Variants in CHST8 observed in about 807,000 individuals in gnomAD.
CHST8 encodes carbohydrate sulfotransferase 8, also known as GALNAC-4-ST1.
A neutral mutation model predicts 15.0 loss-of-function variants in CHST8; 10 were observed. The observed-to-expected ratio is 0.67, with a 90% CI of 0.41 to 1.13. CHST8 has a LOEUF of 1.13. Among genes scored for constraint, CHST8 ranks in the 50% most tolerant of loss-of-function variants. CHST8 has a pLI of 0.00. For synonymous variants in CHST8, 259 were observed against 256.6 expected, an observed-to-expected ratio of 1.01 and a Z score of -0.09; for missense variants, 634 against 608.2, an observed-to-expected ratio of 1.04 and a Z score of -0.45.
intron 3 of CHST8, among the ~76,000 whole-genome samples, chr19:33,734,345 G>A (rs1974044445): frequency 1.3e-5 from 2 of 152,262 alleles, no homozygotes; most frequent in Admixed American, 6.5e-5. Flanking sequence ...ATAAAAATGG[G>A]CAATGAAGAA....
At position 33,656,105 on chromosome 19, in the gene CHST8, C is replaced by T. The variant is rs567084373; in HGVS notation, c.-163-11662C>T. On this transcript the variant is annotated intron_variant, in intron 1 of 4. Transcript: ENST00000650847. Reference sequence around the variant, plus strand: ...TAATTTTTTGTAGTCTAAAATTGCTCATTTTATTTCCTCCTTGATGCAAGA... The same window carrying T: ...TAATTTTTTGTAGTCTAAAATTGCTTATTTTATTTCCTCCTTGATGCAAGA... Among the ~76,000 whole-genome samples, 3 of 152,212 alleles carry T rather than the reference C, an allele frequency of 2.0e-5. No individual in the cohort carries two copies. In the South Asian group the frequency reaches 6.2e-4, roughly 32 times the overall value.
intron 3 of CHST8, among the ~76,000 whole-genome samples, chr19:33,740,548 G>A (rs1974165824): frequency 6.6e-6 from 1 of 152,208 alleles, no homozygotes; most frequent in Non-Finnish European, 1.5e-5. Context: ...AACAGACCCA[G>A]ACTGGCAATG....
intron 3 of CHST8, among the ~76,000 whole-genome samples, chr19:33,690,739 C>T (rs1244175367): frequency 6.6e-6 from 1 of 152,238 alleles, no homozygotes; most frequent in Non-Finnish European, 1.5e-5. Flanking sequence ...GCCGGCTCTC[C>T]TGTGGGAGCT....
At chr19:33,673,972 C>T (rs1411197482) in intron 2 of CHST8, among the ~76,000 whole-genome samples, 1 of 152,102 alleles carries the variant, frequency 6.6e-6, no homozygotes, top group African/African-American at 2.4e-5. Context: ...CAGGCTGGTC[C>T]TGGACTCCTG....
chr19:33,675,033 C>T (rs1225014431), intron 2 of CHST8, among the ~76,000 whole-genome samples: 2 of 152,354 alleles, frequency 1.3e-5, no homozygotes, highest in East Asian at 1.9e-4. Flanking sequence ...TAGAGACACA[C>T]CTGCATGCTC....
chr19:33,721,842 G>GGGAT (rs200145541), intron 3 of CHST8, among the ~76,000 whole-genome samples: 2,720 of 144,792 alleles, frequency 0.019, 51 homozygotes, highest in African/African-American at 0.05. Context: ...TTTGTATAGA[G>GGGAT]GGATGGATGG....
chr19:33,719,399 C>G (rs867884287), intron 3 of CHST8, among the ~76,000 whole-genome samples: 1 of 152,044 alleles, frequency 6.6e-6, no homozygotes, highest in South Asian at 2.1e-4. Context: ...TCCTTGGACA[C>G]TTCTGTTTTA....
At chr19:33,679,151 T>C (rs1972851812) in intron 2 of CHST8, among the ~76,000 whole-genome samples, 2 of 152,246 alleles carry the variant, frequency 1.3e-5, no homozygotes, top group Non-Finnish European at 2.9e-5. Flanking sequence ...CATTTCAGGT[T>C]TACTCACAGA....
intron 1 of CHST8, among the ~76,000 whole-genome samples, chr19:33,651,691 T>C (rs1972451154): frequency 6.6e-6 from 1 of 152,200 alleles, no homozygotes; most frequent in Admixed American, 6.5e-5. Context: ...TTTTCTCTTC[T>C]GTTTTTGAAA....
intron 3 of CHST8, among the ~76,000 whole-genome samples, chr19:33,720,431 CACAT>C (rs1303569059): frequency 6.6e-6 from 1 of 151,742 alleles, no homozygotes; most frequent in Non-Finnish European, 1.5e-5. Flanking sequence ...ACATGCACCA[CACAT>C]ATATACCACA....
At chr19:33,726,617 G>C (rs1973906100) in intron 3 of CHST8, among the ~76,000 whole-genome samples, 2 of 152,162 alleles carry the variant, frequency 1.3e-5, no homozygotes, top group South Asian at 4.1e-4. Context: ...AACTCCCTCT[G>C]GGTGGCTCAC....
intron 2 of CHST8, among the ~76,000 whole-genome samples, chr19:33,688,629 G>A (rs986921959): frequency 2.6e-5 from 4 of 152,132 alleles, no homozygotes; most frequent in Non-Finnish European, 5.9e-5. Flanking sequence ...AGGAGAGTCC[G>A]TCTGTGCTTG....
chr19:33,735,554 T>C (rs1016622492), intron 3 of CHST8, among the ~76,000 whole-genome samples: 7 of 152,176 alleles, frequency 4.6e-5, no homozygotes, highest in African/African-American at 1.7e-4. Context: ...TGGCCAGTCA[T>C]GGTGGCTCAC....
intron 3 of CHST8, among the ~76,000 whole-genome samples, chr19:33,747,153 G>A (rs892636305): frequency 1.3e-5 from 2 of 152,186 alleles, no homozygotes; most frequent in African/African-American, 2.4e-5. Context: ...AATAAAGAAC[G>A]AGGGGGCAGA....
At chr19:33,637,328 G>GGAGTT (rs1454043278) in intron 1 of CHST8, among the ~76,000 whole-genome samples, 1 of 152,080 alleles carries the variant, frequency 6.6e-6, no homozygotes, top group Non-Finnish European at 1.5e-5. Flanking sequence ...TATTCAAGAT[G>GGAGTT]GAGTTGCTCT....
At chr19:33,708,706 A>C (rs1230461442) in intron 3 of CHST8, among the ~76,000 whole-genome samples, 2 of 152,144 alleles carry the variant, frequency 1.3e-5, no homozygotes, top group Non-Finnish European at 1.5e-5. Flanking sequence ...GGGTATTCTG[A>C]GTCTTTTGCA....
chr19:33,686,064 T>C (rs551469861), intron 2 of CHST8, among the ~76,000 whole-genome samples: 36 of 151,970 alleles, frequency 2.4e-4, no homozygotes, highest in Non-Finnish European at 3.4e-4. Flanking sequence ...GAGCTGAGGG[T>C]CCCAGAGGGA....
At chr19:33,690,217 G>T (rs555128212) in intron 3 of CHST8, among the ~76,000 whole-genome samples, 1 of 152,162 alleles carries the variant, frequency 6.6e-6, no homozygotes, top group Non-Finnish European at 1.5e-5. Flanking sequence ...ATGCTCTAGG[G>T]CATGGACAAG....
Position 33,718,077 on chromosome 19 carries a change from C to A in CHST8, c.130+28686C>A, listed in dbSNP as rs1032189253. Among the ~76,000 whole-genome samples, 12 of 152,126 alleles carry A rather than the reference C, an allele frequency of 7.9e-5. No individual in the cohort carries two copies. The East Asian group carries it at 2.1e-3, about 27-fold the overall frequency. ...CTCTGTCTGAAGCCTCCCAGTTAGT[C>A]CTCTGAAAGCAGTGCTCCCTGCTCC... On this transcript the variant is annotated intron_variant, in intron 3 of 4. Coordinates refer to ENST00000650847, the MANE Select transcript of CHST8 (RefSeq NM_001127895.2).
Sources: gnomAD v4.1 joint callset for allele counts (sites outside exome capture counted in the v4.1 genomes callset) on GRCh38, gnomAD v4.1.1 for gene constraint, MANE v1.5 for transcripts, NCBI Gene and HGNC (gene_info 2026-07-23, HGNC 2026-07-21) for gene names.